The following ABTB2 variants were observed in gnomAD, a reference collection of about 807,000 sequenced individuals.
The protein encoded by ABTB2 is ankyrin repeat and BTB/POZ domain-containing protein 2.
A neutral mutation model predicts 104.1 loss-of-function variants in ABTB2; 56 were observed. That is an observed-to-expected ratio of 0.54 (90% CI 0.43 to 0.67). ABTB2 has a LOEUF of 0.67. ABTB2 is among the 30% of genes least tolerant of loss of function. ABTB2 has a pLI of 0.00. For missense variants in ABTB2, 1,279 were observed against 1,407.7 expected (o/e 0.91, Z 1.46); for synonymous variants, 606 against 608.2 (o/e 1.00, Z 0.05).
chr11:34,282,693 A>AT lies in ABTB2; in HGVS notation c.883+74007dup, dbSNP rs567398874. 5.4e-3 allele frequency among the ~76,000 whole-genome samples: 804 copies of AT among 149,938 alleles called. 3 individuals carry two copies. Among genetic ancestry groups the AT allele is most frequent in the Non-Finnish European group, 8.8e-3 (593 of 67,404 alleles). ...AGGCATGCACCACCACACCTGGCTAATTTTTTTTTCTTTTTTTTAGTAGAG... is the reference window on the plus strand; with the variant it reads ...AGGCATGCACCACCACACCTGGCTAATTTTTTTTTTCTTTTTTTTAGTAGAG... On this transcript the variant is annotated intron_variant, in intron 1 of 16. Transcript: ENST00000435224.
intron 1 of ABTB2, among the ~76,000 whole-genome samples, chr11:34,315,088 T>C (rs1488578787): frequency 6.6e-6 from 1 of 152,170 alleles, no homozygotes; most frequent in East Asian, 1.9e-4. Flanking sequence ...AATTCCATAT[T>C]AAAAAGAGGC....
intron 1 of ABTB2, among the ~76,000 whole-genome samples, chr11:34,315,277 G>T (rs561211011): frequency 2.6e-5 from 4 of 152,322 alleles, no homozygotes; most frequent in African/African-American, 7.2e-5. Flanking sequence ...GGGCACTGAG[G>T]TTCCTGGGTT....
intron 1 of ABTB2, among the ~76,000 whole-genome samples, chr11:34,354,641 T>G (rs1191041059): frequency 1.3e-5 from 2 of 152,192 alleles, no homozygotes; most frequent in East Asian, 1.9e-4. Context: ...CCACTTCGCA[T>G]CTTCAGGGTG....
At chr11:34,171,950 C>T (rs1048773314) in intron 4 of ABTB2, among the ~76,000 whole-genome samples, 58 of 152,160 alleles carry the variant, frequency 3.8e-4, no homozygotes, top group Non-Finnish European at 2.2e-4. Flanking sequence ...TCACAGACGT[C>T]CAGTTGGCAG....
intron 1 of ABTB2, among the ~76,000 whole-genome samples, chr11:34,295,670 GT>G (rs1282742218): frequency 6.6e-6 from 1 of 152,164 alleles, no homozygotes; most frequent in Non-Finnish European, 1.5e-5. Flanking sequence ...AGACTGGAGA[GT>G]TTATAAACAA....
chr11:34,167,265 C>T lies in ABTB2; in HGVS notation c.1749G>A (p.Val583=), dbSNP rs1389857199. ...TFAVLHGHIS[V]VQLLLDAGAH... ...TCACCTGGCAGGAGCTCACCTGGAC[C>T]ACAGAGATGTGTCCATGCAGCACAG... Residue 583 remains valine (V), a synonymous_variant, in exon 7 of 17, where the codon GTG becomes GTA. Transcript: ENST00000435224. 1.9e-6 allele frequency: 3 copies of T among 1,609,780 alleles called. No individual in the cohort carries two copies. Among genetic ancestry groups the T allele is most frequent in the Admixed American group, 3.4e-5 (2 of 59,562 alleles).
intron 3 of ABTB2, among the ~76,000 whole-genome samples, chr11:34,195,073 G>T (rs1369449539): frequency 1.4e-5 from 1 of 73,280 alleles, no homozygotes; most frequent in African/African-American, 4.7e-5. Flanking sequence ...AAAGATGCCC[G>T]GCGGGGGGGG....
chr11:34,213,482 AAAAC>A (rs1321887625), intron 1 of ABTB2, among the ~76,000 whole-genome samples: 3 of 152,296 alleles, frequency 2.0e-5, no homozygotes, highest in African/African-American at 4.8e-5. Flanking sequence ...CGCCATCTCA[AAAAC>A]AAACAAACAA....
chr11:34,215,252 C>T (rs289977), intron 1 of ABTB2, among the ~76,000 whole-genome samples: 3,392 of 152,238 alleles, frequency 0.022, 58 homozygotes, highest in African/African-American at 0.051. Flanking sequence ...GCATCCTTCC[C>T]CTGCTAGGGA....
chr11:34,162,315 G>C (rs1048300349), intron 10 of ABTB2, among the ~76,000 whole-genome samples: 2 of 152,238 alleles, frequency 1.3e-5, no homozygotes, highest in East Asian at 3.9e-4. Context: ...GCCAGGCAGG[G>C]TGGAGGGCCC....
intron 1 of ABTB2, among the ~76,000 whole-genome samples, chr11:34,263,276 C>T (rs1015860257): frequency 6.6e-6 from 1 of 152,064 alleles, no homozygotes; most frequent in Non-Finnish European, 1.5e-5. Context: ...CCACACTCCC[C>T]CTTCACATTC....
chr11:34,220,136 G>A (rs536018500), intron 1 of ABTB2, among the ~76,000 whole-genome samples: 2 of 152,308 alleles, frequency 1.3e-5, no homozygotes, highest in South Asian at 4.1e-4. Context: ...ATTCCCAGAT[G>A]GGTATATCCT....
chr11:34,288,658 A>G (rs4756129), intron 1 of ABTB2, among the ~76,000 whole-genome samples: 32,972 of 151,872 alleles, frequency 0.22, 4,633 homozygotes, highest in Non-Finnish European at 0.33. Context: ...GGGAGCTCAC[A>G]GGCCCACCGG....
intron 1 of ABTB2, among the ~76,000 whole-genome samples, chr11:34,250,663 C>T (rs1418099063): frequency 6.6e-6 from 1 of 152,192 alleles, no homozygotes; most frequent in Non-Finnish European, 1.5e-5. Context: ...TTCTAGTCTC[C>T]AGAGCAATTC....
At chr11:34,274,158 CAAAAAAAAAAA>C (rs763755237) in intron 1 of ABTB2, among the ~76,000 whole-genome samples, 5,090 of 50,500 alleles carry the variant, frequency 0.1, 132 homozygotes, top group Middle Eastern at 0.17. Context: ...GACTCCGTCT[CAAAAAAAAAAA>C]AAAAAAAAAA....
intron 13 of ABTB2, among the ~76,000 whole-genome samples, chr11:34,159,613 C>T (rs1000699897): frequency 1.4e-4 from 22 of 152,236 alleles, no homozygotes; most frequent in African/African-American, 4.8e-4. Context: ...AGCGACCTGA[C>T]GCCTGTGGCC....
intron 1 of ABTB2, among the ~76,000 whole-genome samples, chr11:34,221,617 C>T (rs924021900): frequency 6.6e-5 from 10 of 152,306 alleles, no homozygotes; most frequent in Admixed American, 1.3e-4. Flanking sequence ...GAGGTGGTGA[C>T]GGCAAATCTA....
intron 1 of ABTB2, among the ~76,000 whole-genome samples, chr11:34,354,300 G>A (rs1036273420): frequency 3.9e-5 from 6 of 152,072 alleles, no homozygotes; most frequent in Non-Finnish European, 7.4e-5. Context: ...TGTTTGGAAA[G>A]GGGGGGCAAG....
At chr11:34,181,935 G>C (rs1182633216) in intron 3 of ABTB2, among the ~76,000 whole-genome samples, 1 of 152,202 alleles carries the variant, frequency 6.6e-6, no homozygotes, top group Non-Finnish European at 1.5e-5. Context: ...GTTGAATGGG[G>C]TCACATCCCC....
Sources: gnomAD v4.1 joint callset for allele counts (sites outside exome capture counted in the v4.1 genomes callset) on GRCh38, gnomAD v4.1.1 for gene constraint, MANE v1.5 for transcripts, NCBI Gene and HGNC (gene_info 2026-07-23, HGNC 2026-07-21) for gene names.